VWA2: variants seen among roughly 807,000 people sequenced by gnomAD.
VWA2 encodes von Willebrand factor A domain-containing protein 2.
VWA2 carries 73 observed loss-of-function variants against 70.4 expected under a neutral mutation model. The observed-to-expected ratio is 1.04, with a 90% CI of 0.86 to 1.26. The LOEUF is 1.26. Ranked by LOEUF, VWA2 falls within the 50% of genes most tolerant of loss-of-function variation. The pLI is 0.00. For missense variants in VWA2, 1,011 were observed against 998.5 expected, an observed-to-expected ratio of 1.01 and a Z score of -0.17; for synonymous variants, 407 against 423.3, an observed-to-expected ratio of 0.96 and a Z score of 0.47.
rs1328745812 is a variant in VWA2, at chr10:114,291,335, CTG to C, written c.*101_*102del. On this transcript the variant is annotated 3_prime_UTR_variant, in exon 14 of 14. Coordinates refer to ENST00000392982, the MANE Select transcript of VWA2 (RefSeq NM_001272046.2). ...AAATGGTGCCTACCTTCTGGAATGTCTGTGCCCCAGGTCCTTAGAATGTCTGC... is the reference window on the plus strand; with the variant it reads ...AAATGGTGCCTACCTTCTGGAATGTCTGCCCCAGGTCCTTAGAATGTCTGC... 1.4e-6 allele frequency: 2 copies of C among 1,389,478 alleles called. No homozygotes were observed. 86.1% of individuals were successfully genotyped at this position (1,389,478 alleles called of 1,614,324 possible).
In VWA2 at chr10:114,278,766, G is replaced by C. The variant is rs781407990; in HGVS notation, c.748G>C (p.Val250Leu). 1 of 1,613,946 alleles carries C rather than the reference G, an allele frequency of 6.2e-7. No homozygotes were observed. ...CTGTGAGCACAGGACGCTGGAGATG[G>C]TCCGGGAGTTCGCTGGCAATGCCCC... ...HPCEHRTLEM[V>L]REFAGNAPCW... The change falls in exon 8 of 14, where the codon GTC (valine) becomes CTC (leucine). Residue 250 changes from valine (V) to leucine (L), a missense_variant. Coordinates refer to ENST00000392982, the MANE Select transcript of VWA2 (RefSeq NM_001272046.2).
At chr10:114,251,570 G>A (rs953778775) in intron 2 of VWA2, among the ~76,000 whole-genome samples, 2 of 152,088 alleles carry the variant, frequency 1.3e-5, no homozygotes, top group African/African-American at 4.8e-5. Context: ...AGGATTCCTC[G>A]GCTACTGGGC....
intron 5 of VWA2, among the ~76,000 whole-genome samples, chr10:114,268,927 C>G (rs150611926): frequency 1.3e-5 from 2 of 152,088 alleles, no homozygotes; most frequent in Non-Finnish European, 2.9e-5. Flanking sequence ...GATCTCTTGA[C>G]CTTGTGAAAC....
chr10:114,246,272 G>T (rs146483898), intron 1 of VWA2: 6,873 of 681,056 alleles, frequency 0.01, 56 homozygotes, highest in Non-Finnish European at 0.016. Flanking sequence ...AGGCCGAGGC[G>T]GTCGTATCAC....
At chr10:114,288,429 A>C (rs2039175837) in intron 11 of VWA2, among the ~76,000 whole-genome samples, 2 of 152,248 alleles carry the variant, frequency 1.3e-5, no homozygotes, top group Admixed American at 6.5e-5. Context: ...CTGGGGATGG[A>C]TGAAGGCACA....
chr10:114,286,256 A>C lies in VWA2; in HGVS notation c.1315A>C (p.Arg439=), dbSNP rs774246974. Residue 439 remains arginine, a synonymous_variant, in exon 11 of 14, where the codon AGG becomes CGG. Coordinates refer to ENST00000392982, the MANE Select transcript of VWA2 (RefSeq NM_001272046.2). ...AAERGFGSAT[R]TGQDRPRRVV... ...AGAGCGTGGCTTCGGGAGCGCCACC[A>C]GGACAGGCCAGGACCGGCCACGTAG... The C allele has an allele frequency of 6.2e-7, 1 of 1,610,660 alleles. No homozygotes were observed. Among genetic ancestry groups the C allele is most frequent in the South Asian group, 1.1e-5 (1 of 90,782 alleles).
chr10:114,257,396 G>A (rs1449703005), intron 4 of VWA2, among the ~76,000 whole-genome samples: 1 of 152,188 alleles, frequency 6.6e-6, no homozygotes, highest in Non-Finnish European at 1.5e-5. Flanking sequence ...TGTTGACCTT[G>A]GCATTGATGT....
intron 1 of VWA2, 25 bp downstream of exon 1, chr10:114,239,594 C>T (rs1007685914): frequency 6.6e-6 from 1 of 152,422 alleles, no homozygotes; most frequent in East Asian, 1.9e-4. Context: ...CGAGTTGGCT[C>T]TGGCGCCCGG....
chr10:114,281,381 T>G (rs1039862331), intron 8 of VWA2: 1 of 152,200 alleles, frequency 6.6e-6, no homozygotes, highest in African/African-American at 2.4e-5. Context: ...GTGGGGGGAT[T>G]TGGAGTCATG....
intron 10 of VWA2, among the ~76,000 whole-genome samples, chr10:114,285,400 A>G (rs1345428845): frequency 6.6e-6 from 1 of 152,256 alleles, no homozygotes; most frequent in African/African-American, 2.4e-5. Flanking sequence ...GGTGGTTGAG[A>G]GTTTTAAATA....
Position 114,285,951 on chromosome 10 carries a change from G to A in VWA2, c.1010G>A (p.Ser337Asn). Residue 337 changes from serine (S) to asparagine (N), a missense_variant, in exon 11 of 14, where the codon AGC (serine) becomes AAC (asparagine). Coordinates refer to ENST00000392982, the MANE Select transcript of VWA2 (RefSeq NM_001272046.2). ...GTGATCCCCGCAGCCCTGAAGCTGA[G>A]CCTGGAATGCAGGGTCGACCTCCTC... Reference protein sequence around the residue: ...GGEANCALKLSLECRVDLLFL... With the variant: ...GGEANCALKLNLECRVDLLFL... 6.3e-7 allele frequency: 1 copy of A among 1,596,486 alleles called. No individual in the cohort carries two copies. Among genetic ancestry groups the A allele is most frequent in the Non-Finnish European group, 8.6e-7 (1 of 1,167,812 alleles).
Position 114,291,457 on chromosome 10 carries a change from C to T in VWA2, c.*220C>T, listed in dbSNP as rs1403317692. 1.8e-6 allele frequency: 1 copy of T among 549,152 alleles called. No individual in the cohort carries two copies. Among genetic ancestry groups the T allele is most frequent in the African/African-American group, 2.0e-5 (1 of 50,956 alleles). 34.0% of individuals were successfully genotyped at this position (549,152 alleles called of 1,614,324 possible). A position where few individuals can be genotyped will look rare whatever the true frequency, so the allele number is the denominator to read the frequency against. On this transcript the variant is annotated 3_prime_UTR_variant, in exon 14 of 14. Coordinates refer to ENST00000392982, the MANE Select transcript of VWA2 (RefSeq NM_001272046.2). ...AGAGACAAGAAAGCAGCTGATGTCA[C>T]CCACAAACGATGTTGTTGAAAAGTT...
chr10:114,290,156 C>A, intron 12 of VWA2, 84 bp from the exon 13 acceptor site: 2 of 1,511,014 alleles, frequency 1.3e-6, no homozygotes, highest in Non-Finnish European at 1.8e-6. Flanking sequence ...AGCCTTGCAC[C>A]TCTACTGGGC....
intron 11 of VWA2, among the ~76,000 whole-genome samples, chr10:114,287,684 T>G (rs2039079595): frequency 6.6e-6 from 1 of 152,202 alleles, no homozygotes; most frequent in Non-Finnish European, 1.5e-5. Context: ...TTTGTTTGGT[T>G]GGATTTTTTA....
intron 5 of VWA2, among the ~76,000 whole-genome samples, chr10:114,269,023 TTTC>T (rs141652719): frequency 0.19 from 29,109 of 151,908 alleles, 3,253 homozygotes; most frequent in African/African-American, 0.31. Flanking sequence ...AGCGGAGGGA[TTTC>T]TTCTCACTTC....
chr10:114,284,813 C>T, intron 9 of VWA2, 50 bp from the exon 10 acceptor site: 2 of 1,534,146 alleles, frequency 1.3e-6, no homozygotes, highest in South Asian at 1.2e-5. Context: ...CAGTCCTCTC[C>T]ACTCCTCTGT....
chr10:114,278,037 C>T lies in VWA2; in HGVS notation c.690C>T (p.Ser230=), dbSNP rs763552033. Residue 230 remains serine (S), a synonymous_variant, in exon 7 of 14, where the codon AGC becomes AGT. Coordinates refer to ENST00000392982, the MANE Select transcript of VWA2 (RefSeq NM_001272046.2). ...STLSSSAICS[S]ATPDCRVEAH... The stretch of plus-strand genomic sequence containing the variant: ...TCAGCAGCTCGGCCATCTGCTCCAG[C>T]GCCACGCCAGGTAAGATCTTCCAGC... 46 of 1,611,052 alleles carry T rather than the reference C, an allele frequency of 2.9e-5. No individual in the cohort carries two copies. Among genetic ancestry groups the T allele is most frequent in the Admixed American group, 5.0e-5 (3 of 59,950 alleles).
chr10:114,278,083 ATGTGGGGTCGGGGAGGGCTCCC>A, intron 7 of VWA2, 36 bp downstream of exon 7: 1 of 1,591,798 alleles, frequency 6.3e-7, no homozygotes, highest in Non-Finnish European at 8.6e-7. Flanking sequence ...TGGAAGTGCC[ATGTGGGGTCGGGGAGGGCTCCC>A]TGAGGCAAGA....
At chr10:114,246,514 AAAAAAAAAAAAC>A in intron 1 of VWA2, 1 of 774,230 alleles carries the variant, frequency 1.3e-6, no homozygotes, top group Non-Finnish European at 2.0e-6. Flanking sequence ...TCAAAAAAAA[AAAAAAAAAAAAC>A]GAGTATCATG....
Sources: allele counts gnomAD v4.1 joint callset (sites outside exome capture counted in the v4.1 genomes callset), GRCh38; gene constraint gnomAD v4.1.1; transcripts MANE v1.5; gene names NCBI Gene and HGNC (gene_info 2026-07-23, HGNC 2026-07-21).